TFAP2D: variants seen among roughly 807,000 people sequenced by gnomAD.
TFAP2D encodes the protein transcription factor AP-2-delta.
TFAP2D carries 9 observed loss-of-function variants against 43.6 expected under a neutral mutation model. The ratio of observed to expected loss-of-function variants is 0.21; its 90% CI spans 0.12 to 0.36. The LOEUF is 0.36. Among genes scored for constraint, TFAP2D ranks in the 10% least tolerant of loss-of-function variants. TFAP2D has a pLI of 1.00. For missense variants in TFAP2D, 513 were observed against 561.4 expected (o/e 0.91, Z 0.87); for synonymous variants, 256 against 224.9 (o/e 1.14, Z -1.24).
At chr6:50,766,204 T>G (rs756059481) in intron 7 of TFAP2D, among the ~76,000 whole-genome samples, 1 of 152,218 alleles carries the variant, frequency 6.6e-6, no homozygotes, top group Non-Finnish European at 1.5e-5. Flanking sequence ...CTAGACTCGT[T>G]CTGTTCCATT....
chr6:50,728,779 T>G (rs1768843306), intron 3 of TFAP2D, 77 bp from the exon 4 acceptor site: 4 of 1,455,720 alleles, frequency 2.7e-6, no homozygotes, highest in Non-Finnish European at 3.8e-6. Context: ...CAGAATAGTC[T>G]TTTGATGTTA....
intron 5 of TFAP2D, among the ~76,000 whole-genome samples, chr6:50,741,978 T>C (rs974949527): frequency 6.6e-6 from 1 of 152,142 alleles, no homozygotes; most frequent in African/African-American, 2.4e-5. Flanking sequence ...TGGATTTTTA[T>C]TTTCCCAAAT....
intron 5 of TFAP2D, among the ~76,000 whole-genome samples, chr6:50,740,997 C>G (rs2113880345): frequency 6.6e-6 from 1 of 152,174 alleles, no homozygotes; most frequent in Non-Finnish European, 1.5e-5. Context: ...TCTCTAAAAT[C>G]AACGAGCAAA....
At chr6:50,727,347 G>A (rs995421742) in intron 3 of TFAP2D, among the ~76,000 whole-genome samples, 6 of 152,098 alleles carry the variant, frequency 3.9e-5, no homozygotes, top group African/African-American at 1.4e-4. Context: ...TGTCCTCCCA[G>A]GTTCTTTTGC....
intron 5 of TFAP2D, among the ~76,000 whole-genome samples, chr6:50,741,093 G>A (rs1769038021): frequency 6.6e-6 from 1 of 151,328 alleles, no homozygotes; most frequent in African/African-American, 2.4e-5. Context: ...TTAAATATCT[G>A]TATTTAATAT....
intron 2 of TFAP2D, among the ~76,000 whole-genome samples, chr6:50,718,728 T>G (rs1768666604): frequency 6.6e-6 from 1 of 152,198 alleles, no homozygotes; most frequent in African/African-American, 2.4e-5. Context: ...TAGGTGTAAT[T>G]TGCTCTACTC....
intron 5 of TFAP2D, among the ~76,000 whole-genome samples, chr6:50,730,220 T>A (rs1004692183): frequency 6.6e-6 from 1 of 152,158 alleles, no homozygotes; most frequent in Admixed American, 6.6e-5. Flanking sequence ...TTTTCAGATT[T>A]TCAATACGTA....
At chr6:50,731,027 T>G (rs1228677143) in intron 5 of TFAP2D, among the ~76,000 whole-genome samples, 3 of 152,074 alleles carry the variant, frequency 2.0e-5, no homozygotes, top group Non-Finnish European at 4.4e-5. Context: ...CAATTCTTAC[T>G]GATTTTTATG....
chr6:50,736,705 C>T (rs180752600), intron 5 of TFAP2D, among the ~76,000 whole-genome samples: 30 of 152,216 alleles, frequency 2.0e-4, no homozygotes, highest in Non-Finnish European at 3.1e-4. Context: ...ACTATATATA[C>T]GTCACTGTGT....
chr6:50,716,018 T>C lies in TFAP2D; in HGVS notation c.537+405T>C, dbSNP rs577587707. Among the ~76,000 whole-genome samples the C allele has an allele frequency of 2.0e-4, 31 of 152,164 alleles. No individual in the cohort carries two copies. In the South Asian group the frequency reaches 6.4e-3, roughly 32 times the overall value. On this transcript the variant is annotated intron_variant, in intron 2 of 7. Transcript: ENST00000008391. ...CGGACTCAGAGTAAGATCCAATAAA[T>C]TGATGACCAATCGTACCCTCAATCT...
intron 6 of TFAP2D, among the ~76,000 whole-genome samples, chr6:50,749,603 A>G (rs1381557811): frequency 6.6e-6 from 1 of 151,926 alleles, no homozygotes; most frequent in Non-Finnish European, 1.5e-5. Flanking sequence ...ACAAATCTAT[A>G]TTAAATAACA....
chr6:50,737,229 C>T (rs1561935551), intron 5 of TFAP2D, among the ~76,000 whole-genome samples: 2 of 152,072 alleles, frequency 1.3e-5, no homozygotes, highest in Non-Finnish European at 2.9e-5. Context: ...GCCTTGGCCT[C>T]CCAAAGGCTA....
At chr6:50,734,682 T>C (rs147581618) in intron 5 of TFAP2D, among the ~76,000 whole-genome samples, 92 of 152,212 alleles carry the variant, frequency 6.0e-4, no homozygotes, top group African/African-American at 1.9e-3. Flanking sequence ...TCTCATTCTA[T>C]AAGAACTAAT....
At position 50,746,009 on chromosome 6, in the gene TFAP2D, G is replaced by A. The variant is rs553063674; in HGVS notation, c.1025+761G>A. Among the ~76,000 whole-genome samples the A allele has an allele frequency of 1.4e-4, 21 of 152,192 alleles. No individual in the cohort carries two copies. In the South Asian group the frequency reaches 2.1e-3, roughly 15 times the overall value. On this transcript the variant is annotated intron_variant, in intron 6 of 7. Transcript: ENST00000008391. ...TATTGTGTAAAAATCCAGCAGAACCGCAGATAGCACTGCAGGTTACGTTCA... is the reference window on the plus strand; with the variant it reads ...TATTGTGTAAAAATCCAGCAGAACCACAGATAGCACTGCAGGTTACGTTCA...
chr6:50,719,847 TG>T (rs1413009850), intron 3 of TFAP2D, among the ~76,000 whole-genome samples: 2 of 152,016 alleles, frequency 1.3e-5, no homozygotes, highest in African/African-American at 4.8e-5. Context: ...AATTGGAAGG[TG>T]GGGGAAGGCA....
intron 6 of TFAP2D, among the ~76,000 whole-genome samples, chr6:50,745,642 G>A (rs561334483): frequency 6.6e-6 from 1 of 152,264 alleles, no homozygotes; most frequent in Non-Finnish European, 1.5e-5. Context: ...ATAAATGTTT[G>A]GGGAATGTGA....
At chr6:50,721,584 T>G (rs1011986607) in intron 3 of TFAP2D, among the ~76,000 whole-genome samples, 1 of 152,224 alleles carries the variant, frequency 6.6e-6, no homozygotes, top group Non-Finnish European at 1.5e-5. Flanking sequence ...ATTGTCATGG[T>G]AGTACACAGG....
intron 5 of TFAP2D, among the ~76,000 whole-genome samples, chr6:50,739,205 A>G (rs892532128): frequency 1.3e-5 from 2 of 151,966 alleles, no homozygotes; most frequent in African/African-American, 4.8e-5. Context: ...ATATCTCCTA[A>G]TGCTATCCCT....
chr6:50,731,187 G>A (rs574604978), intron 5 of TFAP2D, among the ~76,000 whole-genome samples: 5 of 152,118 alleles, frequency 3.3e-5, no homozygotes, highest in East Asian at 1.9e-4. Context: ...AAAAGTGCCC[G>A]ACTTGTATTC....
Sources: gnomAD v4.1 joint callset for allele counts (sites outside exome capture counted in the v4.1 genomes callset) on GRCh38, gnomAD v4.1.1 for gene constraint, MANE v1.5 for transcripts, NCBI Gene and HGNC (gene_info 2026-07-23, HGNC 2026-07-21) for gene names.